The following CDH8 variants were observed in gnomAD, a reference collection of about 807,000 sequenced individuals.
CDH8 encodes cadherin-8.
CDH8 carries 17 observed loss-of-function variants against 68.1 expected under a neutral mutation model. The ratio of observed to expected loss-of-function variants is 0.25; its 90% confidence interval spans 0.17 to 0.37. The LOEUF is 0.37. Ranked by LOEUF, CDH8 falls within the 10% of genes least tolerant of loss-of-function variation. The probability of loss-of-function intolerance (pLI) is 1.00; values close to 1 mark genes in which losing one functional copy is unlikely to be tolerated. For synonymous variants in CDH8, 372 were observed against 365.1 expected (o/e 1.02, Z -0.21); for missense variants, 763 against 999.3 (o/e 0.76, Z 3.19).
chr16:61,863,444 G>T (rs1963192682), intron 3 of CDH8, among the ~76,000 whole-genome samples: 1 of 152,130 alleles, frequency 6.6e-6, no homozygotes, highest in Admixed American at 6.6e-5. Context: ...AAAATGAGAT[G>T]TTGGGGTTTG....
intron 10 of CDH8, among the ~76,000 whole-genome samples, chr16:61,700,276 T>C (rs1567429690): frequency 1.3e-5 from 2 of 150,750 alleles, no homozygotes; most frequent in Non-Finnish European, 3.0e-5. Flanking sequence ...CTATTTTTAG[T>C]TGTTTTTTTT....
chr16:61,956,082 T>C (rs1964982949), intron 2 of CDH8, among the ~76,000 whole-genome samples: 1 of 152,124 alleles, frequency 6.6e-6, no homozygotes, highest in Admixed American at 6.6e-5. Flanking sequence ...AGGAAGAAAA[T>C]ATTAAAATAT....
At chr16:61,910,829 A>G (rs1964148600) in intron 2 of CDH8, among the ~76,000 whole-genome samples, 1 of 152,200 alleles carries the variant, frequency 6.6e-6, no homozygotes, top group Non-Finnish European at 1.5e-5. Flanking sequence ...AATTCAATAT[A>G]CAACATTGAT....
intron 6 of CDH8, among the ~76,000 whole-genome samples, chr16:61,819,304 T>C (rs1258148354): frequency 1.3e-5 from 2 of 152,116 alleles, no homozygotes; most frequent in South Asian, 2.1e-4. Flanking sequence ...GTATAGTATA[T>C]GCTTCCAAGT....
At chr16:61,961,045 G>A (rs1965145199) in intron 2 of CDH8, among the ~76,000 whole-genome samples, 1 of 152,168 alleles carries the variant, frequency 6.6e-6, no homozygotes, top group Admixed American at 6.5e-5. Flanking sequence ...GCTGGGCACG[G>A]TGGCTCATGC....
Position 61,988,909 on chromosome 16 carries a change from G to A in CDH8, c.252+32243C>T, listed in dbSNP as rs571568120. ...GTTGAGGCCAGTGATATTCACACAC[G>A]AGATCACTGCATCAATATAATTTCA... On this transcript the variant is annotated intron_variant, in intron 2 of 11. Transcript: ENST00000577390. Among the ~76,000 whole-genome samples the A allele has an allele frequency of 2.0e-5, 3 of 152,182 alleles. No homozygotes were observed. In the South Asian group the frequency reaches 6.2e-4, roughly 32 times the overall value.
At chr16:61,966,427 A>T (rs1337888727) in intron 2 of CDH8, among the ~76,000 whole-genome samples, 1 of 152,056 alleles carries the variant, frequency 6.6e-6, no homozygotes, top group Non-Finnish European at 1.5e-5. Flanking sequence ...AGTCCCAGCT[A>T]CTTGGGAGGC....
At chr16:61,766,097 T>C (rs577947749) in intron 8 of CDH8, among the ~76,000 whole-genome samples, 1 of 152,042 alleles carries the variant, frequency 6.6e-6, no homozygotes, top group Admixed American at 6.6e-5. Context: ...ACCCAAGTAG[T>C]GTACATTGTA....
chr16:61,663,078 T>G (rs377649658), intron 10 of CDH8, among the ~76,000 whole-genome samples: 1 of 151,988 alleles, frequency 6.6e-6, no homozygotes, highest in East Asian at 1.9e-4. Context: ...CAGTCATGCA[T>G]CCAATGACAA....
chr16:61,969,129 T>TA (rs1445690384), intron 2 of CDH8, among the ~76,000 whole-genome samples: 1 of 152,168 alleles, frequency 6.6e-6, no homozygotes, highest in Non-Finnish European at 1.5e-5. Flanking sequence ...TGGTATGTGT[T>TA]AAAAAGCCCT....
chr16:61,668,683 A>AAC (rs1330862471), intron 10 of CDH8, among the ~76,000 whole-genome samples: 1 of 151,658 alleles, frequency 6.6e-6, no homozygotes, highest in South Asian at 2.1e-4. Flanking sequence ...AAAAAAAACA[A>AAC]ACACACACCA....
intron 10 of CDH8, chr16:61,693,302 T>C (rs528007714): frequency 6.6e-6 from 1 of 152,278 alleles, no homozygotes; most frequent in East Asian, 1.9e-4. Flanking sequence ...GTCTGCCTTT[T>C]GCTTTTGTAC....
At chr16:61,907,514 A>T (rs1312492687) in intron 2 of CDH8, among the ~76,000 whole-genome samples, 3 of 151,448 alleles carry the variant, frequency 2.0e-5, no homozygotes, top group Non-Finnish European at 4.4e-5. Context: ...CCCTGTATCT[A>T]AAAAAAATAG....
At chr16:61,988,166 T>C (rs930134443) in intron 2 of CDH8, among the ~76,000 whole-genome samples, 1 of 152,188 alleles carries the variant, frequency 6.6e-6, no homozygotes, top group Non-Finnish European at 1.5e-5. Context: ...TATAGAAAAT[T>C]ATTTTAAAGG....
intron 8 of CDH8, among the ~76,000 whole-genome samples, chr16:61,782,601 C>T (rs1376281307): frequency 1.3e-5 from 2 of 151,622 alleles, no homozygotes; most frequent in Non-Finnish European, 3.0e-5. Context: ...CTCAAGGAGG[C>T]CTGCCTGCCT....
At chr16:61,746,950 G>T (rs1444869637) in intron 8 of CDH8, among the ~76,000 whole-genome samples, 2 of 152,062 alleles carry the variant, frequency 1.3e-5, no homozygotes, top group African/African-American at 4.8e-5. Context: ...AATTCAAGAT[G>T]AATGATTAGC....
At chr16:61,961,580 C>A (rs1039956008) in intron 2 of CDH8, among the ~76,000 whole-genome samples, 2 of 152,164 alleles carry the variant, frequency 1.3e-5, no homozygotes, top group Non-Finnish European at 2.9e-5. Flanking sequence ...TCTCTGCTCT[C>A]CTGTTTCCTC....
chr16:61,908,298 A>G (rs1964097456), intron 2 of CDH8, among the ~76,000 whole-genome samples: 1 of 152,184 alleles, frequency 6.6e-6, no homozygotes, highest in African/African-American at 2.4e-5. Context: ...AATATCAAAG[A>G]TGGGACCAGG....
Position 61,652,202 on chromosome 16 carries a change from C to A in CDH8, c.*1406G>T. ...GTTTGCATTACAAATTAAATATGCTCACATCTTCTAGTGCTGTTCCTTTTT... is the reference window on the plus strand; with the variant it reads ...GTTTGCATTACAAATTAAATATGCTAACATCTTCTAGTGCTGTTCCTTTTT... On this transcript the variant is annotated 3_prime_UTR_variant, in exon 12 of 12. Transcript: ENST00000577390. 3.1e-6 allele frequency: 3 copies of A among 982,428 alleles called. No homozygotes were observed. The highest frequency in any genetic ancestry group is 3.6e-6 in the Non-Finnish European group (3 of 827,238). 60.9% of individuals were successfully genotyped at this position (982,428 alleles called of 1,614,324 possible). A position where few individuals can be genotyped will look rare whatever the true frequency, so the allele number is the denominator to read the frequency against.
Sources: allele counts gnomAD v4.1 joint callset (sites outside exome capture counted in the v4.1 genomes callset), GRCh38; gene constraint gnomAD v4.1.1; transcripts MANE v1.5; gene names NCBI Gene and HGNC (gene_info 2026-07-23, HGNC 2026-07-21).